The following RAPGEF4 variants were observed in gnomAD, a reference collection of about 807,000 sequenced individuals.
The protein encoded by RAPGEF4 is RAP guanine-nucleotide-exchange factor (GEF) 4.
A neutral mutation model predicts 147.9 loss-of-function variants in RAPGEF4; 66 were observed. The ratio of observed to expected loss-of-function variants is 0.45; its 90% CI spans 0.37 to 0.55. RAPGEF4 has a LOEUF of 0.55. Ranked by LOEUF, RAPGEF4 falls within the 20% of genes least tolerant of loss-of-function variation. The pLI is 0.00. For missense variants in RAPGEF4, 1,071 were observed against 1,257.3 expected (o/e 0.85, Z 2.24); for synonymous variants, 419 against 442.7 (o/e 0.95, Z 0.67).
chr2:172,824,205 C>T (rs745328221), intron 4 of RAPGEF4, among the ~76,000 whole-genome samples: 20 of 152,304 alleles, frequency 1.3e-4, no homozygotes, highest in Admixed American at 3.3e-4. Flanking sequence ...ACTGGTTTCA[C>T]GTTAGAAGTA....
At chr2:172,814,833 AT>A in intron 4 of RAPGEF4, 1 of 254,790 alleles carries the variant, frequency 3.9e-6, no homozygotes, top group Non-Finnish European at 7.8e-6. Context: ...CATCTGCTTC[AT>A]TTAAGTGCTT....
intron 3 of RAPGEF4, among the ~76,000 whole-genome samples, chr2:172,802,575 G>A (rs1687089062): frequency 6.6e-6 from 1 of 152,156 alleles, no homozygotes; most frequent in South Asian, 2.1e-4. Context: ...TGAGATTTAG[G>A]TGAGGACACA....
chr2:172,751,490 G>A (rs970262557), intron 1 of RAPGEF4, among the ~76,000 whole-genome samples: 3 of 152,148 alleles, frequency 2.0e-5, no homozygotes, highest in Non-Finnish European at 4.4e-5. Flanking sequence ...TGGAGGTAGA[G>A]GAACAGACGG....
chr2:172,925,398 A>G (rs1685185255), intron 6 of RAPGEF4, among the ~76,000 whole-genome samples: 1 of 152,194 alleles, frequency 6.6e-6, no homozygotes, highest in Admixed American at 6.5e-5. Context: ...ATTCCTTTTC[A>G]TATATTGCAC....
At chr2:172,765,555 A>G (rs1010040976) in intron 1 of RAPGEF4, among the ~76,000 whole-genome samples, 1 of 152,230 alleles carries the variant, frequency 6.6e-6, no homozygotes, top group Non-Finnish European at 1.5e-5. Context: ...ATCCAGATCA[A>G]CATGGTCCTG....
rs528465643 is a variant in RAPGEF4, at chr2:173,046,385, C to T, written c.2854-2215C>T. Among the ~76,000 whole-genome samples, 383 of 152,198 alleles carry T rather than the reference C, an allele frequency of 2.5e-3. 1 individual carries two copies. Among genetic ancestry groups the T allele is most frequent in the African/African-American group, 8.2e-3 (342 of 41,526 alleles). On this transcript the variant is annotated intron_variant, in intron 29 of 30. Transcript: ENST00000397081. ...GAATGAAATGTTTTAGCTTTCAAAACTAAAAAGCAGAACAATTACTCCCTA... is the reference window on the plus strand; with the variant it reads ...GAATGAAATGTTTTAGCTTTCAAAATTAAAAAGCAGAACAATTACTCCCTA...
chr2:173,020,512 C>A (rs931560662), intron 22 of RAPGEF4, 106 bp from the exon 23 acceptor site: 1 of 885,526 alleles, frequency 1.1e-6, no homozygotes, highest in Non-Finnish European at 1.9e-6. Context: ...AGTCACTCTG[C>A]GTGTTCCGGT....
intron 4 of RAPGEF4, among the ~76,000 whole-genome samples, chr2:172,828,127 A>G (rs958494624): frequency 5.3e-5 from 8 of 152,196 alleles, no homozygotes; most frequent in Non-Finnish European, 7.3e-5. Context: ...CTTAATGGAG[A>G]TAAATATAAG....
intron 4 of RAPGEF4, among the ~76,000 whole-genome samples, chr2:172,815,870 TA>T (rs1223429805): frequency 6.6e-6 from 1 of 152,082 alleles, no homozygotes; most frequent in Non-Finnish European, 1.5e-5. Flanking sequence ...ACTTATTATT[TA>T]AAAAAATTTC....
intron 1 of RAPGEF4, among the ~76,000 whole-genome samples, chr2:172,754,824 C>T (rs1485002905): frequency 3.3e-5 from 5 of 152,076 alleles, no homozygotes; most frequent in African/African-American, 7.2e-5. Flanking sequence ...GGGCGGATCA[C>T]GAGGTCAGGA....
chr2:173,037,727 T>C (rs1309927664), intron 29 of RAPGEF4, among the ~76,000 whole-genome samples: 1 of 152,140 alleles, frequency 6.6e-6, no homozygotes, highest in African/African-American at 2.4e-5. Flanking sequence ...GCCGGGGACC[T>C]GGAGTCTGGG....
Position 172,817,643 on chromosome 2 carries a change from A to C in RAPGEF4, c.444+3218A>C, listed in dbSNP as rs58235715. ...AGAAAGAAGGCATCAGATGGTGGGA[A>C]TGTAAACTAGTGCAACCACTATGGA... is the stretch of plus-strand genomic sequence containing the variant. On this transcript the variant is annotated intron_variant, in intron 4 of 30. Coordinates refer to ENST00000397081, the MANE Select transcript of RAPGEF4 (RefSeq NM_007023.4). Among the ~76,000 whole-genome samples, 519 of 152,246 alleles carry C rather than the reference A, an allele frequency of 3.4e-3. 8 individuals are homozygous for C. Among genetic ancestry groups the C allele is most frequent in the East Asian group, 0.029 (152 of 5,180 alleles).
intron 1 of RAPGEF4, among the ~76,000 whole-genome samples, chr2:172,736,446 G>A (rs1054818980): frequency 1.3e-5 from 2 of 152,154 alleles, no homozygotes; most frequent in East Asian, 1.9e-4. Flanking sequence ...TTAAAGAGGG[G>A]TGGGGGCACC....
At chr2:172,897,697 C>T (rs1698632399) in intron 4 of RAPGEF4, among the ~76,000 whole-genome samples, 1 of 122,598 alleles carries the variant, frequency 8.2e-6, no homozygotes, top group Admixed American at 8.3e-5. Flanking sequence ...CCACCATGCC[C>T]AGACTCTAGG....
At chr2:172,926,395 C>T (rs1300621697) in intron 6 of RAPGEF4, among the ~76,000 whole-genome samples, 1 of 152,150 alleles carries the variant, frequency 6.6e-6, no homozygotes, top group Non-Finnish European at 1.5e-5. Flanking sequence ...GAAAGGGCAA[C>T]TGCTATGGGG....
intron 4 of RAPGEF4, among the ~76,000 whole-genome samples, chr2:172,890,203 C>G (rs576407545): frequency 6.6e-6 from 1 of 152,308 alleles, no homozygotes; most frequent in Non-Finnish European, 1.5e-5. Context: ...CTGATGGTAA[C>G]ATTTGTAGTG....
chr2:172,904,044 T>C (rs1559110116), intron 4 of RAPGEF4, among the ~76,000 whole-genome samples: 1 of 152,210 alleles, frequency 6.6e-6, no homozygotes, highest in Non-Finnish European at 1.5e-5. Flanking sequence ...TATTACTTTC[T>C]GTGAAATGAT....
chr2:172,965,865 C>G (rs1484447694), intron 9 of RAPGEF4, among the ~76,000 whole-genome samples, 182 bp downstream of exon 9: 2 of 152,214 alleles, frequency 1.3e-5, no homozygotes, highest in African/African-American at 4.8e-5. Flanking sequence ...TTGCTATGTT[C>G]CACCATTGTA....
intron 28 of RAPGEF4, 56 bp downstream of exon 28, chr2:173,036,268 T>G: frequency 7.6e-7 from 1 of 1,309,744 alleles, no homozygotes; most frequent in Non-Finnish European, 1.1e-6. Context: ...GGGAGGGAAA[T>G]GAACAATACC....
Sources: gnomAD v4.1 joint callset for allele counts (sites outside exome capture counted in the v4.1 genomes callset) on GRCh38, gnomAD v4.1.1 for gene constraint, MANE v1.5 for transcripts, NCBI Gene and HGNC (gene_info 2026-07-23, HGNC 2026-07-21) for gene names.